OR51B5: variants seen among roughly 807,000 people sequenced by gnomAD.
OR51B5 encodes the protein olfactory receptor family 51 subfamily B member 5, also known as olfactory receptor 51B5.
For missense variants in OR51B5, 456 were observed against 374.6 expected (o/e 1.22, Z -1.79); for synonymous variants, 186 against 144.8 (o/e 1.28, Z -2.04).
At chr11:5,484,359 A>G (rs1851470212) in intron 1 of OR51B5, among the ~76,000 whole-genome samples, 1 of 152,208 alleles carries the variant, frequency 6.6e-6, no homozygotes, top group Non-Finnish European at 1.5e-5. Context: ...TTTCTGGTCC[A>G]CACATCCTTA....
chr11:5,396,737 C>T (rs1325927811), intron 1 of OR51B5, among the ~76,000 whole-genome samples: 1 of 151,872 alleles, frequency 6.6e-6, no homozygotes, highest in African/African-American at 2.4e-5. Context: ...AAAGAGCCCG[C>T]ATCGCCAAGT....
At chr11:5,404,908 G>A (rs1054939117) in intron 1 of OR51B5, among the ~76,000 whole-genome samples, 2 of 152,250 alleles carry the variant, frequency 1.3e-5, no homozygotes, top group African/African-American at 4.8e-5. Context: ...AGAAACTCTA[G>A]ACACATCTGA....
upstream of OR51B5, chr11:5,345,833 T>C (rs1303250166): frequency 6.6e-6 from 1 of 152,214 alleles, no homozygotes; most frequent in Non-Finnish European, 1.5e-5. Context: ...GCCAGACAAC[T>C]GGGCGTGAGG....
At chr11:5,441,539 G>A in intron 1 of OR51B5, 1 of 1,551,058 alleles carries the variant, frequency 6.4e-7, no homozygotes, top group Non-Finnish European at 8.8e-7. Flanking sequence ...GATAGGGAAT[G>A]GACCCAAGAG....
exon 1 of OR51B5, chr11:5,342,949 G>A: frequency 1.2e-6 from 2 of 1,613,784 alleles, no homozygotes; most frequent in African/African-American, 2.7e-5. Flanking sequence ...ACAGTCGGTT[G>A]AAGGTGGTAT....
intron 1 of OR51B5, among the ~76,000 whole-genome samples, chr11:5,374,419 G>C (rs1849492060): frequency 6.6e-6 from 1 of 152,196 alleles, no homozygotes; most frequent in Non-Finnish European, 1.5e-5. Context: ...CTAAAAAGCA[G>C]AGCACCTTTC....
chr11:5,432,875 T>C (rs930431220), intron 1 of OR51B5, among the ~76,000 whole-genome samples: 1 of 152,084 alleles, frequency 6.6e-6, no homozygotes, highest in African/African-American at 2.4e-5. Flanking sequence ...CTGATCTAGG[T>C]TGGAGTCATC....
intron 1 of OR51B5, among the ~76,000 whole-genome samples, chr11:5,394,334 G>A (rs1268689655): frequency 6.6e-6 from 1 of 152,104 alleles, no homozygotes; most frequent in Non-Finnish European, 1.5e-5. Flanking sequence ...AAGTTTGACA[G>A]TTCTGACTGT....
chr11:5,454,505 T>A, intron 1 of OR51B5: 1 of 1,186,220 alleles, frequency 8.4e-7, no homozygotes, highest in Non-Finnish European at 1.2e-6. Flanking sequence ...ATCATCAAAG[T>A]ATAAGATAGA....
chr11:5,474,435 T>C (rs1285292107), intron 1 of OR51B5, among the ~76,000 whole-genome samples: 1 of 152,216 alleles, frequency 6.6e-6, no homozygotes, highest in Non-Finnish European at 1.5e-5. Flanking sequence ...AAGACCCTAC[T>C]AGCCTGCTAA....
At chr11:5,373,224 T>A (rs774775817) in intron 1 of OR51B5, among the ~76,000 whole-genome samples, 17 of 152,178 alleles carry the variant, frequency 1.1e-4, no homozygotes, top group Admixed American at 5.9e-4. Context: ...AGAACATGTA[T>A]AGAGATAGCT....
At chr11:5,349,499 T>C (rs1011465295) in intron 1 of OR51B5, among the ~76,000 whole-genome samples, 1 of 152,148 alleles carries the variant, frequency 6.6e-6, no homozygotes, top group Non-Finnish European at 1.5e-5. Context: ...CTCCCAGCTT[T>C]ATTTAGGTAT....
In OR51B5 at chr11:5,499,729, T is replaced by A. The variant is rs139729729; in HGVS notation, n.84+5840A>T. On this transcript the variant is annotated intron_variant and non_coding_transcript_variant, in intron 1 of 4. Coordinates refer to the OR51B5 transcript ENST00000415970. ...GCCTTAAAAATATGTCCTGAATCTA[T>A]CACCCTATCAGTACTGTTATGACAC... Among the ~76,000 whole-genome samples the A allele has an allele frequency of 3.1e-3, 466 of 152,274 alleles. 1 individual carries two copies. The highest frequency in any genetic ancestry group is 0.011 in the African/African-American group (456 of 41,556).
intron 1 of OR51B5, among the ~76,000 whole-genome samples, chr11:5,429,795 T>G (rs1479321214): frequency 6.6e-6 from 1 of 152,214 alleles, no homozygotes; most frequent in Non-Finnish European, 1.5e-5. Context: ...GATATCAGAC[T>G]TATTTGCCAA....
chr11:5,351,933 T>C (rs1156476261), intron 1 of OR51B5: 2 of 1,612,964 alleles, frequency 1.2e-6, no homozygotes, highest in Non-Finnish European at 1.7e-6. Flanking sequence ...TAATGAAGAT[T>C]GGTGTGCGGG....
chr11:5,454,309 T>G (rs756855407), intron 1 of OR51B5: 1 of 1,614,112 alleles, frequency 6.2e-7, no homozygotes, highest in Non-Finnish European at 8.5e-7. Flanking sequence ...TACATACATG[T>G]CCTCATGTCA....
intron 1 of OR51B5, among the ~76,000 whole-genome samples, chr11:5,459,351 G>A (rs1851012082): frequency 6.6e-6 from 1 of 152,084 alleles, no homozygotes; most frequent in Non-Finnish European, 1.5e-5. Context: ...GCTGGATTAA[G>A]TTTGCTAGCA....
At chr11:5,502,525 C>T (rs1465265383) in intron 1 of OR51B5, among the ~76,000 whole-genome samples, 1 of 152,204 alleles carries the variant, frequency 6.6e-6, no homozygotes, top group Non-Finnish European at 1.5e-5. Context: ...ATCCCTCCTC[C>T]TGCCATATGC....
At chr11:5,378,110 C>G (rs903768733) in intron 1 of OR51B5, among the ~76,000 whole-genome samples, 269 of 151,526 alleles carry the variant, frequency 1.8e-3, no homozygotes, top group African/African-American at 5.7e-3. Flanking sequence ...TACCAAAACA[C>G]AGATATAGAT....
Sources: gnomAD v4.1 joint callset for allele counts (sites outside exome capture counted in the v4.1 genomes callset) on GRCh38, gnomAD v4.1.1 for gene constraint, MANE v1.5 for transcripts, NCBI Gene and HGNC (gene_info 2026-07-23, HGNC 2026-07-21) for gene names.